RAB5C: variants seen among roughly 807,000 people sequenced by gnomAD.
RAB5C encodes ras-related protein Rab-5C.
RAB5C carries 4 observed loss-of-function variants against 25.2 expected under a neutral mutation model. The observed-to-expected ratio is 0.16, with a 90% CI of 0.08 to 0.36. The LOEUF (loss-of-function observed/expected upper bound fraction) is 0.36, where lower values mean the gene tolerates loss of function less well. Among genes scored for constraint, RAB5C ranks in the 10% least tolerant of loss-of-function variants. The pLI is 1.00. For missense variants in RAB5C, 199 were observed against 283.8 expected (o/e 0.70, Z 2.15); for synonymous variants, 100 against 106.4 (o/e 0.94, Z 0.37).
intron 2 of RAB5C, among the ~76,000 whole-genome samples, chr17:42,129,223 C>A (rs2054461639): frequency 6.6e-6 from 1 of 152,138 alleles, no homozygotes; most frequent in Admixed American, 6.5e-5. Context: ...CCTCAGTTTG[C>A]TCCAGCCCAG....
chr17:42,125,668 C>T lies in RAB5C; in HGVS notation c.*115G>A, dbSNP rs2054412512. 4 of 679,654 alleles carry T rather than the reference C, an allele frequency of 5.9e-6. 1 individual carries two copies. In the South Asian group the frequency reaches 7.4e-5, roughly 13 times the overall value. The allele number at this position is 679,654 out of a possible 1,614,324, so 42.1% of individuals were successfully genotyped here. ...ATTATATGGAGAAATCATGGTGGAC[C>T]CCTCCCCCTGCCCCCCCAGTGGTGG... On this transcript the variant is annotated 3_prime_UTR_variant, in exon 6 of 6. Transcript: ENST00000346213.
chr17:42,147,043 A>C (rs1398684867), intron 1 of RAB5C, among the ~76,000 whole-genome samples: 3 of 151,488 alleles, frequency 2.0e-5, no homozygotes, highest in Middle Eastern at 3.4e-3. Flanking sequence ...AAAGACAGAA[A>C]GAAAGACAGA....
intron 1 of RAB5C, among the ~76,000 whole-genome samples, chr17:42,146,305 T>C (rs2079634622): frequency 6.6e-6 from 1 of 152,166 alleles, no homozygotes; most frequent in Admixed American, 6.5e-5. Flanking sequence ...TAATGTAAAA[T>C]ACGTACTAAC....
chr17:42,143,806 G>C (rs1323124139), intron 1 of RAB5C, among the ~76,000 whole-genome samples: 1 of 152,110 alleles, frequency 6.6e-6, no homozygotes, highest in African/African-American at 2.4e-5. Flanking sequence ...TTATTTTTGA[G>C]ACAAAGTCTC....
At position 42,131,455 on chromosome 17, in the gene RAB5C, A is replaced by AC. The variant is rs1568019583; in HGVS notation, c.-88-866_-88-865insG. On this transcript the variant is annotated intron_variant, in intron 1 of 5. Coordinates refer to ENST00000346213, the MANE Select transcript of RAB5C (RefSeq NM_004583.4). ...ACTGAAACACACACACACACACACA[A>AC]AAACACATGCCAACACACACACAGA... is the stretch of plus-strand genomic sequence containing the variant. Among the ~76,000 whole-genome samples the AC allele has an allele frequency of 6.2e-3, 940 of 151,420 alleles. 9 individuals are homozygous for AC. The highest frequency in any genetic ancestry group is 0.022 in the African/African-American group (889 of 41,216).
At chr17:42,144,978 A>G (rs1314418969) in intron 1 of RAB5C, among the ~76,000 whole-genome samples, 3 of 124,748 alleles carry the variant, frequency 2.4e-5, no homozygotes, top group South Asian at 2.6e-4. Flanking sequence ...AAAAAAAAAA[A>G]AAGAAACCCC....
chr17:42,128,174 G>C, intron 4 of RAB5C, 87 bp downstream of exon 4: 1 of 1,518,040 alleles, frequency 6.6e-7, no homozygotes, highest in Admixed American at 1.9e-5. Flanking sequence ...TCCTAGCATG[G>C]CCCTTCCCAA....
chr17:42,154,238 AAGAG>A (rs1414124937), intron 1 of RAB5C, among the ~76,000 whole-genome samples: 3 of 152,212 alleles, frequency 2.0e-5, no homozygotes, highest in South Asian at 4.1e-4. Context: ...CAGAGGCAGA[AAGAG>A]AGAGACACTC....
At chr17:42,127,011 T>C (rs1333548217) in intron 4 of RAB5C, among the ~76,000 whole-genome samples, 163 bp from the exon 5 acceptor site, 1 of 152,208 alleles carries the variant, frequency 6.6e-6, no homozygotes, top group Non-Finnish European at 1.5e-5. Context: ...GATCTGGGTT[T>C]CCCCGCTCAT....
At position 42,130,541 on chromosome 17, in the gene RAB5C, G is replaced by A. The variant is rs11542397; in HGVS notation, c.-39C>T. 546 of 1,611,128 alleles carry A rather than the reference G, an allele frequency of 3.4e-4. 3 individuals are homozygous for A. The African/African-American group carries it at 7.0e-3, about 21-fold the overall frequency. On this transcript the variant is annotated 5_prime_UTR_variant, in exon 2 of 6. Coordinates refer to ENST00000346213, the MANE Select transcript of RAB5C (RefSeq NM_004583.4). ...GTAGTGGTCCAGAGAGCGTGCGGGTGGGGACTGGTGCTATGCAAAGAGGCA... is the reference window on the plus strand; with the variant it reads ...GTAGTGGTCCAGAGAGCGTGCGGGTAGGGACTGGTGCTATGCAAAGAGGCA...
At chr17:42,153,932 C>T (rs180955478) in intron 1 of RAB5C, among the ~76,000 whole-genome samples, 2 of 152,174 alleles carry the variant, frequency 1.3e-5, no homozygotes, top group African/African-American at 2.4e-5. Flanking sequence ...CAGACCCTGG[C>T]GTGGTGTGGA....
intron 2 of RAB5C, among the ~76,000 whole-genome samples, chr17:42,129,779 C>T (rs148169369): frequency 2.8e-4 from 42 of 152,368 alleles, no homozygotes; most frequent in African/African-American, 9.1e-4. Flanking sequence ...GCGTTGGCCC[C>T]TGCCTCTTGA....
chr17:42,128,884 A>C (rs2054457077), intron 2 of RAB5C, 84 bp from the exon 3 acceptor site: 1 of 1,227,188 alleles, frequency 8.1e-7, no homozygotes, highest in South Asian at 2.8e-5. Context: ...AGGCTCTGGC[A>C]CTCAGAAGCC....
chr17:42,141,863 G>A (rs1271841578), intron 1 of RAB5C, among the ~76,000 whole-genome samples: 2 of 152,112 alleles, frequency 1.3e-5, no homozygotes, highest in African/African-American at 4.8e-5. Context: ...GGGAGCCCCT[G>A]CGCCTTCACT....
At chr17:42,152,206 T>C (rs996767485) in intron 1 of RAB5C, among the ~76,000 whole-genome samples, 6 of 152,134 alleles carry the variant, frequency 3.9e-5, no homozygotes, top group African/African-American at 1.4e-4. Context: ...ATGAGGAATA[T>C]GTATGAAAAT....
In RAB5C at chr17:42,126,747, CA is replaced by C; in HGVS notation, c.535+7del. The C allele has an allele frequency of 6.3e-7, 1 of 1,597,980 alleles. No homozygotes were observed. Among genetic ancestry groups the C allele is most frequent in the Non-Finnish European group, 8.6e-7 (1 of 1,167,724 alleles). On this transcript the variant is annotated splice_region_variant and intron_variant, in intron 5 of 5. Transcript: ENST00000346213. ...GGTGGAGAGAGGAGGGGAGGAGAAG[CA>C]ACTGACCTATTGCCATGAAGATTTC...
In RAB5C at chr17:42,131,599, A is replaced by G. The variant is rs1303756302; in HGVS notation, c.-88-1009T>C. 34 of 1,533,186 alleles carry G rather than the reference A, an allele frequency of 2.2e-5. No homozygotes were observed. The East Asian group carries it at 4.9e-4, about 22-fold the overall frequency. The allele number at this position is 1,533,186 out of a possible 1,614,324, so 95.0% of individuals were successfully genotyped here. ...ACAGCTACCAACTTTCCCTTTTTCA[A>G]TAGAGACCTCAGTTCCATTCTCTAC... On this transcript the variant is annotated intron_variant, in intron 1 of 5. Coordinates refer to ENST00000346213, the MANE Select transcript of RAB5C (RefSeq NM_004583.4).
intron 1 of RAB5C, among the ~76,000 whole-genome samples, chr17:42,140,497 ATATATATATATATATATATTTT>A (rs1375912843): frequency 2.2e-5 from 1 of 45,374 alleles, no homozygotes; most frequent in African/African-American, 1.5e-4. Context: ...ATATATATAT[ATATATATATATATATATATTTT>A]TTTTTTTTTT....
intron 1 of RAB5C, among the ~76,000 whole-genome samples, chr17:42,144,552 G>A (rs912628001): frequency 4.6e-5 from 7 of 152,220 alleles, no homozygotes; most frequent in South Asian, 4.1e-4. Context: ...GGTGGCTCAC[G>A]CCTGTAACCC....
Sources: gnomAD v4.1 joint callset for allele counts (sites outside exome capture counted in the v4.1 genomes callset) on GRCh38, gnomAD v4.1.1 for gene constraint, MANE v1.5 for transcripts, NCBI Gene and HGNC (gene_info 2026-07-23, HGNC 2026-07-21) for gene names.